Variants in PTPRD observed in about 807,000 individuals in gnomAD.
The protein encoded by PTPRD is protein tyrosine phosphatase receptor type D.
In PTPRD, 34 loss-of-function variants were observed where a neutral mutation model predicts 214.5. The ratio of observed to expected loss-of-function variants is 0.16; its 90% confidence interval spans 0.12 to 0.21. The LOEUF is 0.21. Among genes scored for constraint, PTPRD ranks in the 10% least tolerant of loss-of-function variants. The pLI is 1.00. For missense variants in PTPRD, 2,545 were observed against 2,398.7 expected (o/e 1.06, Z -1.27); for synonymous variants, 1,128 against 845.7 (o/e 1.33, Z -5.79).
intron 11 of PTPRD, among the ~76,000 whole-genome samples, chr9:8,952,916 C>T (rs781536136): frequency 4.6e-5 from 7 of 151,410 alleles, no homozygotes; most frequent in Non-Finnish European, 8.9e-5. Context: ...ATCAATTGAT[C>T]TTTCACTGGC....
At chr9:10,065,065 CT>C (rs2097849901) in intron 3 of PTPRD, among the ~76,000 whole-genome samples, 1 of 151,362 alleles carries the variant, frequency 6.6e-6, no homozygotes, top group Non-Finnish European at 1.5e-5. Context: ...AGTAATTTGC[CT>C]TGCCTAGATT....
chr9:9,525,563 G>T (rs1027379857), intron 8 of PTPRD, among the ~76,000 whole-genome samples: 3 of 151,960 alleles, frequency 2.0e-5, no homozygotes, highest in Admixed American at 1.3e-4. Flanking sequence ...ACTAAGAGAT[G>T]AAAGCAACTT....
chr9:9,093,973 G>T (rs2099779927), intron 10 of PTPRD, among the ~76,000 whole-genome samples: 1 of 151,784 alleles, frequency 6.6e-6, no homozygotes, highest in Non-Finnish European at 1.5e-5. Context: ...GAATGAAAAG[G>T]GATATAGGAC....
At chr9:9,248,750 AG>A (rs1392081373) in intron 9 of PTPRD, among the ~76,000 whole-genome samples, 2 of 152,114 alleles carry the variant, frequency 1.3e-5, no homozygotes, top group African/African-American at 4.8e-5. Flanking sequence ...TTAAAAGGCA[AG>A]TATGCATTTG....
chr9:8,503,237 A>G (rs894599680), intron 23 of PTPRD, among the ~76,000 whole-genome samples: 1 of 152,076 alleles, frequency 6.6e-6, no homozygotes, highest in South Asian at 2.1e-4. Flanking sequence ...ATTTGTATGG[A>G]AGGAAATGAA....
intron 3 of PTPRD, among the ~76,000 whole-genome samples, chr9:10,097,563 G>A (rs1471879369): frequency 6.6e-6 from 1 of 151,608 alleles, no homozygotes; most frequent in African/African-American, 2.4e-5. Flanking sequence ...GTATAAGAAC[G>A]CTTGTGATTT....
Position 8,341,267 on chromosome 9 carries a change from C to T in PTPRD, c.4949G>A (p.Arg1650His), listed in dbSNP as rs201344661. Residue 1650 changes from arginine to histidine, a missense_variant and splice_region_variant, in exon 41 of 46, where the codon CGT becomes CAT. By Grantham distance (29) the Arg-to-His change is conservative. Transcript: ENST00000381196. The stretch of plus-strand genomic sequence containing the variant: ...GGTGTGAGCTTTTGAGCTGGCTAGA[C>T]GCTGTTGAATAGGAAAAAAAAAAAA... ...NVTGMELEFKRLASSKAHTSR... is the reference protein window; with the variant it reads ...NVTGMELEFKHLASSKAHTSR... The T allele has an allele frequency of 3.0e-5, 48 of 1,584,240 alleles. No homozygotes were observed. Among genetic ancestry groups the T allele is most frequent in the African/African-American group, 2.5e-4 (18 of 72,482 alleles).
Position 10,366,791 on chromosome 9 carries a change from T to C in PTPRD, c.-599-25774A>G, listed in dbSNP as rs575574672. 6.6e-5 allele frequency among the ~76,000 whole-genome samples: 10 copies of C among 152,234 alleles called. No individual in the cohort carries two copies. In the South Asian group the frequency reaches 1.2e-3, roughly 19 times the overall value. Reference sequence around the variant, plus strand: ...GCTCCATGTTTTGATGCCACATACATACGTGCACTAAAAAAACTCATAATT... The same window carrying C: ...GCTCCATGTTTTGATGCCACATACACACGTGCACTAAAAAAACTCATAATT... On this transcript the variant is annotated intron_variant, in intron 2 of 45. Transcript: ENST00000381196.
chr9:8,685,389 A>T, intron 12 of PTPRD, among the ~76,000 whole-genome samples: 1 of 152,190 alleles, frequency 6.6e-6, no homozygotes, highest in Non-Finnish European at 1.5e-5. Flanking sequence ...AGGTTCCAGG[A>T]ACAAAACCAA....
chr9:9,718,146 A>G lies in PTPRD; in HGVS notation c.-287+16387T>C, dbSNP rs185125665. On this transcript the variant is annotated intron_variant, in intron 7 of 45. Transcript: ENST00000381196. ...TTATCAAGAAATAGACACAAATACA[A>G]CAAATACTTGAGTTATACATTGGCT... is the stretch of plus-strand genomic sequence containing the variant. Among the ~76,000 whole-genome samples the G allele has an allele frequency of 7.8e-4, 119 of 152,314 alleles. 1 individual carries two copies. Among genetic ancestry groups the G allele is most frequent in the Middle Eastern group, 3.4e-3 (1 of 294 alleles).
chr9:9,945,648 T>C (rs10978121), intron 4 of PTPRD, among the ~76,000 whole-genome samples: 13,612 of 152,048 alleles, frequency 0.09, 1,190 homozygotes, highest in East Asian at 0.25. Flanking sequence ...TCTAGTAAAA[T>C]TGGAGGAGGA....
intron 10 of PTPRD, among the ~76,000 whole-genome samples, chr9:9,048,918 G>A (rs2099679094): frequency 6.6e-6 from 1 of 151,992 alleles, no homozygotes; most frequent in Non-Finnish European, 1.5e-5. Flanking sequence ...AACATCTCAT[G>A]TACCCCATAA....
At chr9:10,547,373 C>T (rs901323285) in intron 2 of PTPRD, among the ~76,000 whole-genome samples, 3 of 151,682 alleles carry the variant, frequency 2.0e-5, no homozygotes, top group African/African-American at 7.3e-5. Flanking sequence ...AACTGCAAAA[C>T]TTTAGCACCA....
chr9:9,572,137 C>G (rs1162837109), intron 8 of PTPRD, among the ~76,000 whole-genome samples: 1 of 151,234 alleles, frequency 6.6e-6, no homozygotes, highest in Admixed American at 6.6e-5. Flanking sequence ...ATGAGAAAAT[C>G]CACCAAAGAG....
At chr9:10,135,945 A>G (rs1039849937) in intron 3 of PTPRD, among the ~76,000 whole-genome samples, 12 of 87,050 alleles carry the variant, frequency 1.4e-4, no homozygotes, top group Admixed American at 5.1e-4. Flanking sequence ...AGTTGAATTA[A>G]AAAAAAAAAA....
At chr9:9,968,982 T>C (rs140981290) in intron 4 of PTPRD, among the ~76,000 whole-genome samples, 274 of 152,304 alleles carry the variant, frequency 1.8e-3, no homozygotes, top group African/African-American at 6.2e-3. Flanking sequence ...GATGTGATCT[T>C]GGCCTCATAG....
At chr9:10,374,600 C>A (rs982544963) in intron 2 of PTPRD, among the ~76,000 whole-genome samples, 1 of 151,932 alleles carries the variant, frequency 6.6e-6, no homozygotes, top group Admixed American at 6.6e-5. Context: ...AATTGGAGAA[C>A]CTAATCCTGC....
Position 8,449,776 on chromosome 9 carries a change from G to A in PTPRD, c.3937C>T (p.His1313Tyr), listed in dbSNP as rs2095864089. ...SIPNNKEIPS[H>Y]HPTDPVELRR... ...AGTTCTACAGGGTCTGTTGGGTGGT[G>A]TGAAGGGATCTCCTTATTGTTCGGT... The change falls in exon 34 of 46, where the codon CAC becomes TAC. Residue 1313 changes from histidine to tyrosine, a missense_variant. By Grantham distance (83) the His-to-Tyr change is moderately conservative (BLOSUM62 2). Transcript: ENST00000381196. The A allele has an allele frequency of 6.2e-7, 1 of 1,614,132 alleles. No individual in the cohort carries two copies. The highest frequency in any genetic ancestry group is 8.5e-7 in the Non-Finnish European group (1 of 1,179,982).
chr9:10,228,990 A>G (rs933180458), intron 3 of PTPRD, among the ~76,000 whole-genome samples: 3 of 151,962 alleles, frequency 2.0e-5, no homozygotes, highest in African/African-American at 4.8e-5. Context: ...ACATTTCAGA[A>G]GCACTAAGAT....
Sources: allele counts gnomAD v4.1 joint callset (sites outside exome capture counted in the v4.1 genomes callset), GRCh38; gene constraint gnomAD v4.1.1; transcripts MANE v1.5; gene names NCBI Gene and HGNC (gene_info 2026-07-23, HGNC 2026-07-21).